The following CCDC102B variants were observed in gnomAD, a reference collection of about 807,000 sequenced individuals.
The protein encoded by CCDC102B is coiled-coil domain-containing protein 102B.
A neutral mutation model predicts 57.4 loss-of-function variants in CCDC102B; 75 were observed. The observed-to-expected ratio is 1.31, with a 90% CI of 1.08 to 1.58. CCDC102B has a LOEUF of 1.58. Among genes scored for constraint, CCDC102B ranks in the 40% most tolerant of loss-of-function variants. CCDC102B has a pLI of 0.00. For synonymous variants in CCDC102B, 206 were observed against 201.9 expected (o/e 1.02, Z -0.17); for missense variants, 636 against 582.6 (o/e 1.09, Z -0.94).
At chr18:69,006,137 T>C (rs1285558167) in intron 6 of CCDC102B, among the ~76,000 whole-genome samples, 4 of 152,136 alleles carry the variant, frequency 2.6e-5, no homozygotes, top group African/African-American at 9.7e-5. Context: ...TGCAAACCAC[T>C]AAATCTTCAA....
At chr18:68,819,021 T>C (rs2036595477) in intron 1 of CCDC102B, among the ~76,000 whole-genome samples, 1 of 152,164 alleles carries the variant, frequency 6.6e-6, no homozygotes, top group African/African-American at 2.4e-5. Flanking sequence ...AGTGGATATA[T>C]GCACGCTTAA....
rs2039376846 is a variant in CCDC102B, at chr18:68,874,751, G to A, written c.1019G>A (p.Ser340Asn). ...NIKEESKSQN[S>N]KDRVICELRA... ...AAGGAAGAATCCAAATCTCAAAACAGCAAAGACAGAGTGATTTGTGAGTTA... is the reference window on the plus strand; with the variant it reads ...AAGGAAGAATCCAAATCTCAAAACAACAAAGACAGAGTGATTTGTGAGTTA... Residue 340 changes from serine to asparagine, a missense_variant, in exon 5 of 8, where the codon AGC (serine) becomes AAC (asparagine). Ser to Asn is a conservative substitution (Grantham distance 46). Coordinates refer to ENST00000360242, the MANE Select transcript of CCDC102B (RefSeq NM_024781.3). 1.2e-6 allele frequency: 2 copies of A among 1,610,456 alleles called. No individual in the cohort carries two copies. Among genetic ancestry groups the A allele is most frequent in the Non-Finnish European group, 8.5e-7 (1 of 1,177,270 alleles).
intron 4 of CCDC102B, among the ~76,000 whole-genome samples, chr18:68,873,282 T>C (rs543244105): frequency 2.0e-4 from 30 of 152,252 alleles, no homozygotes; most frequent in Admixed American, 1.5e-3. Flanking sequence ...GCTCTGAACA[T>C]GGAGTCTTTC....
At chr18:68,996,911 T>C (rs2051043725) in intron 6 of CCDC102B, among the ~76,000 whole-genome samples, 1 of 152,162 alleles carries the variant, frequency 6.6e-6, no homozygotes, top group Admixed American at 6.5e-5. Context: ...CCAAATCTCA[T>C]CTTGAATGGT....
chr18:68,822,267 G>A (rs1477618926), intron 1 of CCDC102B, among the ~76,000 whole-genome samples: 2 of 151,936 alleles, frequency 1.3e-5, no homozygotes, highest in South Asian at 2.1e-4. Flanking sequence ...AGTGGGGCAC[G>A]CCTGTAGTCC....
At chr18:68,806,293 A>G (rs2036031546) in intron 1 of CCDC102B, among the ~76,000 whole-genome samples, 1 of 152,104 alleles carries the variant, frequency 6.6e-6, no homozygotes, top group Non-Finnish European at 1.5e-5. Flanking sequence ...CTCAGCAAAC[A>G]TATCCAATTT....
At chr18:69,011,291 C>T (rs578174112) in intron 7 of CCDC102B, 187 bp downstream of exon 7, 27 of 578,064 alleles carry the variant, frequency 4.7e-5, no homozygotes, top group South Asian at 9.4e-5. Flanking sequence ...ATGTTTGTGG[C>T]GGTAATAGTA....
At chr18:68,716,601 G>A (rs1475821694) in intron 2 of CCDC102B, 1 of 152,140 alleles carries the variant, frequency 6.6e-6, no homozygotes, top group Non-Finnish European at 1.5e-5. Flanking sequence ...TGAGGTATGT[G>A]AATCTACTTT....
chr18:68,913,659 G>GAAAAAAAA (rs35793292), intron 6 of CCDC102B, among the ~76,000 whole-genome samples: 6 of 141,734 alleles, frequency 4.2e-5, no homozygotes, highest in Non-Finnish European at 9.1e-5. Context: ...GGTCTCAAAA[G>GAAAAAAAA]AAAAAAAAAA....
chr18:68,731,013 A>G (rs1189812864), intron 2 of CCDC102B, among the ~76,000 whole-genome samples: 1 of 152,026 alleles, frequency 6.6e-6, no homozygotes, highest in Non-Finnish European at 1.5e-5. Context: ...CTTGAGACGG[A>G]GTTTCACTCT....
intron 4 of CCDC102B, among the ~76,000 whole-genome samples, chr18:68,863,789 C>T (rs777480857): frequency 6.6e-5 from 10 of 151,882 alleles, no homozygotes; most frequent in Non-Finnish European, 1.5e-4. Context: ...ATCTATTACT[C>T]TCTTATCCTT....
At chr18:68,749,859 C>T (rs1403204569) in intron 2 of CCDC102B, among the ~76,000 whole-genome samples, 1 of 152,146 alleles carries the variant, frequency 6.6e-6, no homozygotes, top group Non-Finnish European at 1.5e-5. Context: ...CCATTCAGGA[C>T]ATAGGCATGG....
intron 6 of CCDC102B, among the ~76,000 whole-genome samples, chr18:68,965,440 T>C (rs991138442): frequency 6.6e-6 from 1 of 151,702 alleles, no homozygotes; most frequent in African/African-American, 2.4e-5. Context: ...GACTTTCTAT[T>C]TTTTTCTGAG....
intron 2 of CCDC102B, among the ~76,000 whole-genome samples, chr18:68,792,733 G>C (rs989064026): frequency 2.4e-4 from 36 of 152,280 alleles, no homozygotes; most frequent in African/African-American, 8.7e-4. Flanking sequence ...ACTCAGGCCT[G>C]TCTGACATCA....
chr18:68,733,429 C>T (rs2032973471), intron 2 of CCDC102B, among the ~76,000 whole-genome samples: 2 of 146,988 alleles, frequency 1.4e-5, no homozygotes, highest in Non-Finnish European at 3.0e-5. Context: ...TATTTTAATA[C>T]TCAACAACGG....
chr18:68,724,534 A>G (rs2145191346), intron 2 of CCDC102B, among the ~76,000 whole-genome samples: 1 of 152,336 alleles, frequency 6.6e-6, no homozygotes, highest in African/African-American at 2.4e-5. Flanking sequence ...TCTTTAGCGC[A>G]GGGGCAAAAT....
At chr18:68,944,619 A>G (rs1318113792) in intron 6 of CCDC102B, among the ~76,000 whole-genome samples, 1 of 137,534 alleles carries the variant, frequency 7.3e-6, no homozygotes. Context: ...AGCCTTGCAT[A>G]CTGACACCAT....
At chr18:68,950,402 G>T (rs1288940492) in intron 6 of CCDC102B, among the ~76,000 whole-genome samples, 1 of 151,926 alleles carries the variant, frequency 6.6e-6, no homozygotes, top group Non-Finnish European at 1.5e-5. Context: ...TTATACCCAG[G>T]AGATTTTATC....
intron 6 of CCDC102B, among the ~76,000 whole-genome samples, chr18:69,007,503 A>G (rs2051383738): frequency 6.6e-6 from 1 of 152,194 alleles, no homozygotes; most frequent in Non-Finnish European, 1.5e-5. Flanking sequence ...CACTTTCCTA[A>G]TATAGTCACT....
Sources: gnomAD v4.1 joint callset for allele counts (sites outside exome capture counted in the v4.1 genomes callset) on GRCh38, gnomAD v4.1.1 for gene constraint, MANE v1.5 for transcripts, NCBI Gene and HGNC (gene_info 2026-07-23, HGNC 2026-07-21) for gene names.